Variants in MKKS observed in about 807,000 individuals in gnomAD.
MKKS encodes the protein MKKS centrosomal shuttling protein.
MKKS carries 29 observed loss-of-function variants against 33.2 expected under a neutral mutation model. That is an observed-to-expected ratio of 0.87 (90% CI 0.65 to 1.19). The LOEUF (loss-of-function observed/expected upper bound fraction) is 1.19, where lower values mean the gene tolerates loss of function less well. Ranked by LOEUF, MKKS falls within the 50% of genes most tolerant of loss-of-function variation. The probability of loss-of-function intolerance (pLI) is 0.00; values close to 1 mark genes in which losing one functional copy is unlikely to be tolerated. For synonymous variants in MKKS, 260 were observed against 244.0 expected (o/e 1.07, Z -0.61); for missense variants, 661 against 662.3 (o/e 1.00, Z 0.02).
In MKKS at chr20:10,413,544, G is replaced by T. The variant is rs777185517; in HGVS notation, c.-30C>A. The stretch of plus-strand genomic sequence containing the variant: ...CTTCAGGTGGTAACTAGTGAAGACC[G>T]TTTTTATTTTGTAAACCACATTTTT... On this transcript the variant is annotated 5_prime_UTR_variant, in exon 3 of 6. Coordinates refer to ENST00000347364, the MANE Select transcript of MKKS (RefSeq NM_170784.3). 1.2e-6 allele frequency: 2 copies of T among 1,612,876 alleles called. No individual in the cohort carries two copies. The highest frequency in any genetic ancestry group is 3.3e-5 in the Admixed American group (2 of 59,968).
At chr20:10,433,401 G>T (rs73069869) in intron 1 of MKKS, among the ~76,000 whole-genome samples, 1 of 152,332 alleles carries the variant, frequency 6.6e-6, no homozygotes, top group East Asian at 1.9e-4. Context: ...AGAACATGGA[G>T]TCAGGACCGT....
At position 10,405,331 on chromosome 20, in the gene MKKS, A is replaced by T; in HGVS notation, c.1629T>A (p.Thr543=). 1 of 1,614,160 alleles carries T rather than the reference A, an allele frequency of 6.2e-7. No individual in the cohort carries two copies. Among genetic ancestry groups the T allele is most frequent in the Non-Finnish European group, 8.5e-7 (1 of 1,179,982 alleles). The change falls in exon 6 of 6, where the codon ACT becomes ACA. Residue 543 remains threonine (T), a synonymous_variant. Transcript: ENST00000347364. The stretch of plus-strand genomic sequence containing the variant: ...CCACCTGTAGGCCACTAAGCTTTGC[A>T]GTCAAACAGTCCAAGGTCAGGTTGC... ...SASNLTLDCL[T]AKLSGLQVAV... is the part of the protein sequence containing the mutation.
intron 1 of MKKS, among the ~76,000 whole-genome samples, chr20:10,429,847 T>C (rs2122284245): frequency 6.6e-6 from 1 of 152,300 alleles, no homozygotes; most frequent in East Asian, 1.9e-4. Context: ...GGGAATTTAC[T>C]AGAAATGCAA....
intron 1 of MKKS, among the ~76,000 whole-genome samples, chr20:10,423,180 T>A (rs1403381863): frequency 6.6e-6 from 1 of 152,128 alleles, no homozygotes; most frequent in East Asian, 1.9e-4. Context: ...CTCACAAAAG[T>A]GTAATCCTAA....
At chr20:10,423,304 A>T (rs1037681198) in intron 1 of MKKS, among the ~76,000 whole-genome samples, 1 of 152,112 alleles carries the variant, frequency 6.6e-6, no homozygotes, top group Non-Finnish European at 1.5e-5. Context: ...CTGTAGTTCT[A>T]GCTGCGTGGG....
intron 2 of MKKS, among the ~76,000 whole-genome samples, chr20:10,420,196 G>C (rs1251811610): frequency 6.6e-6 from 1 of 152,042 alleles, no homozygotes; most frequent in African/African-American, 2.4e-5. Context: ...AACACTAATA[G>C]AAGAAAATAA....
intron 5 of MKKS, among the ~76,000 whole-genome samples, chr20:10,406,335 T>C (rs2064844279): frequency 6.6e-6 from 1 of 152,178 alleles, no homozygotes; most frequent in African/African-American, 2.4e-5. Context: ...CTTCAGTCAA[T>C]GATAGACTGC....
chr20:10,413,506 A>G lies in MKKS; in HGVS notation c.9T>C (p.Arg3=). 1 of 1,614,178 alleles carries G rather than the reference A, an allele frequency of 6.2e-7. No homozygotes were observed. The highest frequency in any genetic ancestry group is 8.5e-7 in the Non-Finnish European group (1 of 1,180,030). Residue 3 remains arginine, a synonymous_variant, in exon 3 of 6, where the codon CGT becomes CGC. Transcript: ENST00000347364. The part of the protein sequence containing the change: MS[R]LEAKKPSLCK... ...ACAATGATGGCTTCTTAGCTTCCAAACGAGACATCTTACTTCAGGTGGTAA... is the reference window on the plus strand; with the variant it reads ...ACAATGATGGCTTCTTAGCTTCCAAGCGAGACATCTTACTTCAGGTGGTAA...
At chr20:10,426,295 C>CT (rs1337039547) in intron 1 of MKKS, among the ~76,000 whole-genome samples, 7 of 152,210 alleles carry the variant, frequency 4.6e-5, no homozygotes, top group African/African-American at 1.7e-4. Flanking sequence ...GCAGTACTGT[C>CT]TATCAGGATT....
In MKKS at chr20:10,413,845, C is replaced by T; in HGVS notation, c.-331G>A. 2.2e-6 allele frequency: 1 copy of T among 450,182 alleles called. No individual in the cohort carries two copies. Among genetic ancestry groups the T allele is most frequent in the Non-Finnish European group, 3.9e-6 (1 of 255,582 alleles). 27.9% of individuals were successfully genotyped at this position (450,182 alleles called of 1,614,324 possible). A position where few individuals can be genotyped will look rare whatever the true frequency, so the allele number is the denominator to read the frequency against. On this transcript the variant is annotated 5_prime_UTR_variant, in exon 3 of 6. Transcript: ENST00000347364. ...TGGACACCTATGAAAGATATCCCAG[C>T]TACAAGAAGCCAGTTCTTTCTAATC...
At position 10,402,285 on chromosome 20, in the gene MKKS, T is replaced by C. The variant is rs1368761343; in HGVS notation, c.*2962A>G. On this transcript the variant is annotated 3_prime_UTR_variant, in exon 6 of 6. Coordinates refer to ENST00000347364, the MANE Select transcript of MKKS (RefSeq NM_170784.3). ...TGAGGCTTACCTTAGTTGCTATTTTTACTTATCATTTATTTCTGCCAAAAG... is the reference window on the plus strand; with the variant it reads ...TGAGGCTTACCTTAGTTGCTATTTTCACTTATCATTTATTTCTGCCAAAAG... The C allele has an allele frequency of 2.6e-5, 4 of 152,232 alleles. No individual in the cohort carries two copies. Among genetic ancestry groups the C allele is most frequent in the African/African-American group, 9.6e-5 (4 of 41,468 alleles). 9.4% of individuals were successfully genotyped at this position (152,232 alleles called of 1,614,324 possible).
intron 1 of MKKS, among the ~76,000 whole-genome samples, chr20:10,421,114 T>C (rs2122256780): frequency 6.6e-6 from 1 of 152,212 alleles, no homozygotes; most frequent in Admixed American, 6.5e-5. Flanking sequence ...AAGAGCCTTT[T>C]TTTAAATTAT....
intron 2 of MKKS, among the ~76,000 whole-genome samples, chr20:10,417,192 A>G (rs1170046213): frequency 6.6e-6 from 1 of 150,710 alleles, no homozygotes; most frequent in African/African-American, 2.4e-5. Context: ...CAGAGGTTGC[A>G]GTGAGCCGAC....
intron 5 of MKKS, 78 bp downstream of exon 5, chr20:10,407,538 T>G: frequency 8.4e-7 from 1 of 1,186,276 alleles, no homozygotes; most frequent in Non-Finnish European, 1.2e-6. Context: ...CTATAGGATA[T>G]TATGATTTTG....
chr20:10,404,358 G>A lies in MKKS; in HGVS notation c.*889C>T, dbSNP rs1158965041. On this transcript the variant is annotated 3_prime_UTR_variant, in exon 6 of 6. Coordinates refer to ENST00000347364, the MANE Select transcript of MKKS (RefSeq NM_170784.3). Reference sequence around the variant, plus strand: ...TCAACCAACAACAGTTTTGCTCTTCGGGGGACATTTGGCAATGTCTGGAAA... The same window carrying A: ...TCAACCAACAACAGTTTTGCTCTTCAGGGGACATTTGGCAATGTCTGGAAA... 6 of 151,288 alleles carry A rather than the reference G, an allele frequency of 4.0e-5. No individual in the cohort carries two copies. The highest frequency in any genetic ancestry group is 1.2e-4 in the African/African-American group (5 of 41,056). The allele number at this position is 151,288 out of a possible 1,614,324, so 9.4% of individuals were successfully genotyped here.
chr20:10,429,389 C>A (rs980705139), intron 1 of MKKS, among the ~76,000 whole-genome samples: 7 of 152,130 alleles, frequency 4.6e-5, no homozygotes, highest in African/African-American at 1.7e-4. Flanking sequence ...GTTTCCTGGG[C>A]GGTCTCATTC....
At chr20:10,432,284 T>C (rs373613401) in intron 1 of MKKS, among the ~76,000 whole-genome samples, 16 of 152,334 alleles carry the variant, frequency 1.1e-4, no homozygotes, top group African/African-American at 3.8e-4. Flanking sequence ...CCAATCCTGC[T>C]TCCTTTCTTC....
intron 2 of MKKS, among the ~76,000 whole-genome samples, chr20:10,419,258 T>G (rs2064962535): frequency 6.6e-6 from 1 of 152,152 alleles, no homozygotes; most frequent in Non-Finnish European, 1.5e-5. Flanking sequence ...TGCTTTACAA[T>G]TACAGGGTCA....
At chr20:10,427,102 G>C (rs1453141095) in intron 1 of MKKS, among the ~76,000 whole-genome samples, 1 of 138,936 alleles carries the variant, frequency 7.2e-6, no homozygotes, top group Non-Finnish European at 1.5e-5. Context: ...AGGGCAAAAA[G>C]GCAAGCAAGC....
Sources: gnomAD v4.1 joint callset for allele counts (sites outside exome capture counted in the v4.1 genomes callset) on GRCh38, gnomAD v4.1.1 for gene constraint, MANE v1.5 for transcripts, NCBI Gene and HGNC (gene_info 2026-07-23, HGNC 2026-07-21) for gene names.